Variants in SLC35A3 observed in about 807,000 individuals in gnomAD.
SLC35A3 encodes the protein UDP-N-acetylglucosamine transporter.
In SLC35A3, 26 loss-of-function variants were observed where a neutral mutation model predicts 39.0. That is an observed-to-expected ratio of 0.67 (90% CI 0.49 to 0.92). SLC35A3 has a LOEUF of 0.92. Among genes scored for constraint, SLC35A3 ranks in the 40% least tolerant of loss-of-function variants. SLC35A3 has a pLI of 0.00. For missense variants in SLC35A3, 299 were observed against 371.6 expected (o/e 0.80, Z 1.61); for synonymous variants, 135 against 133.1 (o/e 1.01, Z -0.10).
intron 1 of SLC35A3, among the ~76,000 whole-genome samples, chr1:99,979,614 T>C (rs1218837012): frequency 6.6e-6 from 1 of 151,364 alleles, no homozygotes; most frequent in South Asian, 2.1e-4. Context: ...TTTATATTTT[T>C]AGTAGAGACG....
chr1:100,000,351 T>C (rs1273912869), intron 3 of SLC35A3, among the ~76,000 whole-genome samples: 1 of 152,184 alleles, frequency 6.6e-6, no homozygotes, highest in Non-Finnish European at 1.5e-5. Flanking sequence ...CATTTTTTCA[T>C]ATACCTGTTG....
intron 1 of SLC35A3, among the ~76,000 whole-genome samples, chr1:99,979,590 C>T (rs781347099): frequency 3.3e-5 from 5 of 151,390 alleles, no homozygotes; most frequent in Non-Finnish European, 5.9e-5. Context: ...CCCGCCACCA[C>T]GCCCGGCTAA....
At chr1:99,987,289 C>T (rs1477654183) in intron 1 of SLC35A3, among the ~76,000 whole-genome samples, 1 of 152,194 alleles carries the variant, frequency 6.6e-6, no homozygotes, top group East Asian at 1.9e-4. Context: ...AATTTTATTT[C>T]ACATTGGACA....
At chr1:99,999,507 T>C in intron 3 of SLC35A3, 92 bp downstream of exon 3, 1 of 729,048 alleles carries the variant, frequency 1.4e-6, no homozygotes, top group Non-Finnish European at 2.2e-6. Context: ...GGTATTTTGA[T>C]ACATGCATCC....
intron 2 of SLC35A3, among the ~76,000 whole-genome samples, chr1:99,997,129 C>G (rs1477611533): frequency 6.6e-6 from 1 of 151,806 alleles, no homozygotes; most frequent in Non-Finnish European, 1.5e-5. Context: ...CACTTTCAAT[C>G]CCTTTCTCCC....
chr1:100,020,913 G>C (rs546119825), intron 7 of SLC35A3, among the ~76,000 whole-genome samples: 47 of 152,154 alleles, frequency 3.1e-4, no homozygotes, highest in Non-Finnish European at 5.6e-4. Context: ...TGGGTGGCAT[G>C]AAGTGGGAAG....
At chr1:99,972,405 G>A (rs779489923) in intron 1 of SLC35A3, among the ~76,000 whole-genome samples, 5 of 144,204 alleles carry the variant, frequency 3.5e-5, no homozygotes, top group Non-Finnish European at 5.9e-5. Flanking sequence ...TGACCCTCTC[G>A]CCTCACTGCC....
intron 5 of SLC35A3, 106 bp downstream of exon 5, chr1:100,011,639 T>C: frequency 2.9e-6 from 1 of 340,048 alleles, no homozygotes; most frequent in Non-Finnish European, 5.3e-6. Context: ...AAATCTGCTA[T>C]TGATCCAAAT....
Position 100,022,371 on chromosome 1 carries a change from CT to C in SLC35A3, c.888-13del, listed in dbSNP as rs749678141. On this transcript the variant is annotated splice_polypyrimidine_tract_variant and intron_variant, in intron 7 of 7. Transcript: ENST00000533028. The stretch of plus-strand genomic sequence containing the variant: ...TCTGATTTTCTCTTTTTTATTTTGT[CT>C]TCATCTTATTCAGTGTCTTTTTCCT... The C allele has an allele frequency of 8.0e-6, 11 of 1,372,670 alleles. No individual in the cohort carries two copies. Among genetic ancestry groups the C allele is most frequent in the Non-Finnish European group, 9.2e-6 (9 of 972,996 alleles). 85.0% of individuals were successfully genotyped at this position (1,372,670 alleles called of 1,614,324 possible).
chr1:100,034,021 A>G lies in SLC35A3; in HGVS notation c.*11545A>G, dbSNP rs1435185995. 6.6e-6 allele frequency: 1 copy of G among 152,216 alleles called. No individual in the cohort carries two copies. Among genetic ancestry groups the G allele is most frequent in the Non-Finnish European group, 1.5e-5 (1 of 68,036 alleles). The allele number at this position is 152,216 out of a possible 1,614,324, so 9.4% of individuals were successfully genotyped here. On this transcript the variant is annotated 3_prime_UTR_variant, in exon 8 of 8. Transcript: ENST00000533028. ...TACTTAAAGTACACCTTGGCCATGT[A>G]GAAAATCCTTGACAAACATTTCCTT...
At chr1:99,973,643 G>T (rs1402929128) in intron 1 of SLC35A3, among the ~76,000 whole-genome samples, 1 of 152,186 alleles carries the variant, frequency 6.6e-6, no homozygotes, top group Non-Finnish European at 1.5e-5. Flanking sequence ...TTTAAAATAA[G>T]TTGCTGTACT....
chr1:99,973,875 C>T (rs978974630), intron 1 of SLC35A3, among the ~76,000 whole-genome samples: 4 of 152,040 alleles, frequency 2.6e-5, no homozygotes, highest in Non-Finnish European at 4.4e-5. Context: ...ATTATCCTGG[C>T]GTGGTGGTGG....
At chr1:100,011,247 C>A in intron 4 of SLC35A3, 118 bp from the exon 5 acceptor site, 1 of 440,854 alleles carries the variant, frequency 2.3e-6, no homozygotes, top group Non-Finnish European at 4.1e-6. Flanking sequence ...CTCTCCTTTG[C>A]AGTCCCAAAA....
chr1:100,017,598 G>A (rs1047396034), intron 6 of SLC35A3, 84 bp from the exon 7 acceptor site: 1 of 843,518 alleles, frequency 1.2e-6, no homozygotes, highest in Admixed American at 3.5e-5. Context: ...TGGGACAAAA[G>A]CTTAAAGCTT....
At chr1:100,020,568 T>C (rs1660461172) in intron 7 of SLC35A3, among the ~76,000 whole-genome samples, 1 of 152,230 alleles carries the variant, frequency 6.6e-6, no homozygotes, top group Non-Finnish European at 1.5e-5. Flanking sequence ...AGTTAACCAT[T>C]TGTATCAAGT....
At chr1:99,995,041 TG>T (rs1039058233) in intron 2 of SLC35A3, among the ~76,000 whole-genome samples, 12 of 152,192 alleles carry the variant, frequency 7.9e-5, no homozygotes, top group African/African-American at 2.9e-4. Flanking sequence ...GGTTTTGACT[TG>T]TGTTTCTCTA....
chr1:99,976,528 A>T (rs1446633762), intron 1 of SLC35A3, among the ~76,000 whole-genome samples: 2 of 152,228 alleles, frequency 1.3e-5, no homozygotes, highest in Non-Finnish European at 2.9e-5. Context: ...GTTTCACAGC[A>T]CTATTCACAA....
Position 100,021,128 on chromosome 1 carries a change from G to A in SLC35A3, c.888-1258G>A, listed in dbSNP as rs191360479. ...AAGTTAAGATTGCACTTTGGGAGGC[G>A]GAGGTGGGCAGATCACTTGAGGTTA... On this transcript the variant is annotated intron_variant, in intron 7 of 7. Coordinates refer to ENST00000533028, the MANE Select transcript of SLC35A3 (RefSeq NM_012243.3). 1.3e-3 allele frequency among the ~76,000 whole-genome samples: 195 copies of A among 152,056 alleles called. 1 individual carries two copies. Among genetic ancestry groups the A allele is most frequent in the Non-Finnish European group, 2.5e-3 (168 of 67,952 alleles).
Position 100,024,897 on chromosome 1 carries a change from G to A in SLC35A3, c.*2421G>A. 5.6e-6 allele frequency: 2 copies of A among 360,202 alleles called. No homozygotes were observed. Among genetic ancestry groups the A allele is most frequent in the Non-Finnish European group, 9.9e-6 (2 of 202,488 alleles). The allele number at this position is 360,202 out of a possible 1,614,324, so 22.3% of individuals were successfully genotyped here. On this transcript the variant is annotated 3_prime_UTR_variant, in exon 8 of 8. Coordinates refer to ENST00000533028, the MANE Select transcript of SLC35A3 (RefSeq NM_012243.3). Reference sequence around the variant, plus strand: ...AACAGAATTGGCTCAAAAATACTATGTTACAGACTGTTGGGTACCCTTGCC... The same window carrying A: ...AACAGAATTGGCTCAAAAATACTATATTACAGACTGTTGGGTACCCTTGCC...
Sources: gnomAD v4.1 joint callset for allele counts (sites outside exome capture counted in the v4.1 genomes callset) on GRCh38, gnomAD v4.1.1 for gene constraint, MANE v1.5 for transcripts, NCBI Gene and HGNC (gene_info 2026-07-23, HGNC 2026-07-21) for gene names.